The following ATR variants were observed in gnomAD, a reference collection of about 807,000 sequenced individuals.
The protein encoded by ATR is ATR checkpoint kinase, also known as serine/threonine-protein kinase ATR.
Under a neutral mutation model 305.3 loss-of-function variants are expected in ATR, and 142 were observed. That is an observed-to-expected ratio of 0.47 (90% CI 0.41 to 0.53). The LOEUF (loss-of-function observed/expected upper bound fraction) is 0.53, where lower values mean the gene tolerates loss of function less well. Ranked by LOEUF, ATR falls within the 20% of genes least tolerant of loss-of-function variation. The probability of loss-of-function intolerance (pLI) is 0.00; values close to 1 mark genes in which losing one functional copy is unlikely to be tolerated. For missense variants in ATR, 2,135 were observed against 3,133.1 expected, an observed-to-expected ratio of 0.68 and a Z score of 7.60; for synonymous variants, 1,050 against 1,068.1, an observed-to-expected ratio of 0.98 and a Z score of 0.33.
chr3:142,496,921 A>T (rs1453382820), intron 33 of ATR, 92 bp downstream of exon 33: 1 of 1,401,514 alleles, frequency 7.1e-7, no homozygotes, highest in African/African-American at 1.4e-5. Context: ...GTAGATTCAG[A>T]CAGAAAATTA....
intron 3 of ATR, 48 bp from the exon 4 acceptor site, chr3:142,563,157 T>C: frequency 2.0e-6 from 3 of 1,528,392 alleles, no homozygotes; most frequent in Non-Finnish European, 2.7e-6. Context: ...ATATCCGAAG[T>C]GCTAATTCAT....
At chr3:142,522,192 A>G (rs1354848538) in intron 23 of ATR, among the ~76,000 whole-genome samples, 1 of 152,226 alleles carries the variant, frequency 6.6e-6, no homozygotes, top group Non-Finnish European at 1.5e-5. Context: ...TTTTAGTAAC[A>G]AAGTATTTTT....
chr3:142,573,598 G>A (rs1048719537), intron 1 of ATR, among the ~76,000 whole-genome samples: 2 of 151,024 alleles, frequency 1.3e-5, no homozygotes, highest in African/African-American at 4.9e-5. Context: ...ATCAGCGCTG[G>A]CCAATAGAAA....
At chr3:142,485,891 C>T (rs1451158674) in intron 35 of ATR, among the ~76,000 whole-genome samples, 1 of 152,200 alleles carries the variant, frequency 6.6e-6, no homozygotes, top group East Asian at 1.9e-4. Flanking sequence ...CTTCACCACT[C>T]CACTAAGGAG....
intron 13 of ATR, 65 bp downstream of exon 13, chr3:142,553,162 T>C (rs2034538665): frequency 1.3e-6 from 2 of 1,544,128 alleles, no homozygotes; most frequent in African/African-American, 1.4e-5. Flanking sequence ...ATAAATATTC[T>C]TCTTTTTTGT....
chr3:142,462,152 T>C, intron 41 of ATR, 62 bp from the exon 42 acceptor site: 1 of 1,454,058 alleles, frequency 6.9e-7, no homozygotes, highest in Non-Finnish European at 9.5e-7. Context: ...AAATGTTATA[T>C]CAAATATATT....
intron 36 of ATR, among the ~76,000 whole-genome samples, chr3:142,476,096 T>G (rs1001352523): frequency 2.0e-5 from 3 of 152,234 alleles, no homozygotes; most frequent in Admixed American, 6.5e-5. Context: ...CTCTTTAGTT[T>G]AATTAGACCC....
intron 21 of ATR, among the ~76,000 whole-genome samples, chr3:142,529,220 A>C (rs1423419816): frequency 6.6e-6 from 1 of 151,954 alleles, no homozygotes; most frequent in Admixed American, 6.6e-5. Context: ...TTAAAGGTGA[A>C]ATATTATTTA....
intron 29 of ATR, 123 bp downstream of exon 29, chr3:142,505,016 C>G: frequency 8.1e-7 from 1 of 1,232,180 alleles, no homozygotes; most frequent in Non-Finnish European, 1.1e-6. Flanking sequence ...TGCACTCCAG[C>G]CTGGCCAACA....
intron 46 of ATR, chr3:142,450,967 C>G: frequency 8.3e-7 from 1 of 1,211,734 alleles, no homozygotes; most frequent in Non-Finnish European, 1.0e-6. Flanking sequence ...TTTGCAGAAT[C>G]TGACACTCAA....
At position 142,449,776 on chromosome 3, in the gene ATR, T is replaced by C. The variant is rs7652760; in HGVS notation, c.7762-174A>G. On this transcript the variant is annotated intron_variant, in intron 46 of 46. Transcript: ENST00000350721. The stretch of plus-strand genomic sequence containing the variant: ...AACAAATACAGTTAGCTTGTGATAC[T>C]GATTTGGAGGCTCGCAAGATTGATT... 0.028 allele frequency: 19,522 copies of C among 689,206 alleles called. 2,902 individuals carry two copies. The African/African-American group carries it at 0.31, about 11-fold the overall frequency. 42.7% of individuals were successfully genotyped at this position (689,206 alleles called of 1,614,324 possible).
intron 44 of ATR, among the ~76,000 whole-genome samples, chr3:142,458,434 G>A (rs1003076085): frequency 2.6e-5 from 4 of 152,140 alleles, no homozygotes; most frequent in African/African-American, 4.8e-5. Flanking sequence ...AAAATAGTGC[G>A]CTAACCTACC....
At chr3:142,563,226 A>G in intron 3 of ATR, 117 bp from the exon 4 acceptor site, 2 of 1,058,890 alleles carry the variant, frequency 1.9e-6, no homozygotes, top group Non-Finnish European at 2.7e-6. Context: ...AGAGTGTAAA[A>G]CATTCTCTTC....
intron 21 of ATR, among the ~76,000 whole-genome samples, chr3:142,525,526 T>C (rs1344882364): frequency 6.6e-6 from 1 of 152,182 alleles, no homozygotes; most frequent in East Asian, 1.9e-4. Context: ...TACCCAATAA[T>C]AAGGGATTGA....
At chr3:142,459,158 CA>C in intron 43 of ATR, 47 bp from the exon 44 acceptor site, 1 of 1,612,018 alleles carries the variant, frequency 6.2e-7, no homozygotes, top group Non-Finnish European at 8.5e-7. Context: ...CATATGAGGC[CA>C]ATATAAATCT....
chr3:142,451,049 C>T (rs190521907), intron 46 of ATR: 12,931 of 1,275,884 alleles, frequency 0.01, 99 homozygotes, highest in Non-Finnish European at 0.012. Context: ...TGAATCATCC[C>T]TGGAGCTCCA....
At chr3:142,466,198 G>T in intron 40 of ATR, 126 bp downstream of exon 40, 1 of 1,124,500 alleles carries the variant, frequency 8.9e-7, no homozygotes, top group Non-Finnish European at 1.3e-6. Flanking sequence ...TTACTCTTCT[G>T]TATTTCCAAT....
At chr3:142,494,468 T>C (rs889953920) in intron 34 of ATR, among the ~76,000 whole-genome samples, 1 of 152,174 alleles carries the variant, frequency 6.6e-6, no homozygotes, top group African/African-American at 2.4e-5. Context: ...TTATACAGGA[T>C]AGAGAAGAGA....
At chr3:142,544,032 A>G (rs746449581) in intron 16 of ATR, among the ~76,000 whole-genome samples, 1 of 152,114 alleles carries the variant, frequency 6.6e-6, no homozygotes, top group Non-Finnish European at 1.5e-5. Flanking sequence ...AGTCAGCCAA[A>G]TCTAGGTTTG....
Sources: allele counts gnomAD v4.1 joint callset (sites outside exome capture counted in the v4.1 genomes callset), GRCh38; gene constraint gnomAD v4.1.1; transcripts MANE v1.5; gene names NCBI Gene and HGNC (gene_info 2026-07-23, HGNC 2026-07-21).